Variants in GRID1 observed in about 807,000 individuals in gnomAD.
GRID1 encodes glutamate ionotropic receptor delta type subunit 1.
GRID1 carries 28 observed loss-of-function variants against 98.0 expected under a neutral mutation model. The observed-to-expected ratio is 0.29, with a 90% CI of 0.21 to 0.39. The LOEUF (loss-of-function observed/expected upper bound fraction) is 0.39. Ranked by LOEUF, GRID1 falls within the 10% of genes least tolerant of loss-of-function variation. The pLI, the probability that GRID1 is intolerant of heterozygous loss-of-function variation, is 1.00. For synonymous variants in GRID1, 553 were observed against 538.5 expected (o/e 1.03, Z -0.37); for missense variants, 1,111 against 1,340.5 (o/e 0.83, Z 2.67).
At chr10:85,920,777 C>G (rs1841692232) in intron 4 of GRID1, among the ~76,000 whole-genome samples, 1 of 152,162 alleles carries the variant, frequency 6.6e-6, no homozygotes, top group South Asian at 2.1e-4. Context: ...GGAAGGGGGG[C>G]CGGCCTTCTG....
chr10:85,661,359 A>G (rs575803367), intron 12 of GRID1, among the ~76,000 whole-genome samples: 1 of 152,258 alleles, frequency 6.6e-6, no homozygotes, highest in South Asian at 2.1e-4. Flanking sequence ...GGCTGGAACT[A>G]TAAGACTTAC....
intron 4 of GRID1, among the ~76,000 whole-genome samples, chr10:86,101,547 T>C (rs1167700260): frequency 3.9e-5 from 6 of 152,166 alleles, no homozygotes; most frequent in Admixed American, 2.0e-4. Flanking sequence ...TGAGTGCAGC[T>C]TCTGTCACTC....
At chr10:85,871,611 C>G (rs1455131980) in intron 5 of GRID1, among the ~76,000 whole-genome samples, 1 of 152,144 alleles carries the variant, frequency 6.6e-6, no homozygotes, top group East Asian at 1.9e-4. Context: ...AGCTTTGAGA[C>G]AATATGATGG....
intron 4 of GRID1, among the ~76,000 whole-genome samples, chr10:85,957,221 C>A (rs902613113): frequency 1.3e-4 from 20 of 152,168 alleles, no homozygotes; most frequent in Admixed American, 2.6e-4. Context: ...GGACACAGAG[C>A]CAGACCATAT....
At chr10:86,360,932 A>T (rs1056884837) in intron 2 of GRID1, among the ~76,000 whole-genome samples, 3 of 152,202 alleles carry the variant, frequency 2.0e-5, no homozygotes, top group Non-Finnish European at 2.9e-5. Context: ...CTCCACTGAG[A>T]GGTCACTGTG....
chr10:85,666,640 A>G (rs1006923900), intron 12 of GRID1, among the ~76,000 whole-genome samples: 2 of 152,216 alleles, frequency 1.3e-5, no homozygotes, highest in African/African-American at 4.8e-5. Context: ...ACCAGTTTCA[A>G]GAGCCAACTG....
intron 8 of GRID1, among the ~76,000 whole-genome samples, chr10:85,756,391 G>A (rs918401765): frequency 2.6e-5 from 4 of 152,084 alleles, no homozygotes; most frequent in African/African-American, 9.7e-5. Flanking sequence ...TGGCCTCTCT[G>A]TGGCATATCT....
intron 2 of GRID1, among the ~76,000 whole-genome samples, chr10:86,262,596 G>A (rs931285508): frequency 1.3e-5 from 2 of 152,160 alleles, no homozygotes; most frequent in East Asian, 1.9e-4. Flanking sequence ...CTCTTATTAC[G>A]TGCTCTGGAC....
At chr10:86,027,270 C>T (rs1843128051) in intron 4 of GRID1, among the ~76,000 whole-genome samples, 1 of 152,180 alleles carries the variant, frequency 6.6e-6, no homozygotes, top group Admixed American at 6.5e-5. Flanking sequence ...TTCTCCGCAG[C>T]CCCTGCAACC....
intron 4 of GRID1, among the ~76,000 whole-genome samples, chr10:86,021,354 G>A (rs529344358): frequency 6.6e-6 from 1 of 152,224 alleles, no homozygotes; most frequent in South Asian, 2.1e-4. Flanking sequence ...GATCTGATCT[G>A]ATCAGCAGAC....
chr10:85,638,994 G>A (rs1843082128), intron 13 of GRID1, among the ~76,000 whole-genome samples: 1 of 152,166 alleles, frequency 6.6e-6, no homozygotes. Context: ...TATTACCAGA[G>A]GTGATGCAAA....
intron 4 of GRID1, among the ~76,000 whole-genome samples, chr10:86,090,489 T>A (rs566192944): frequency 2.3e-4 from 35 of 150,402 alleles, no homozygotes; most frequent in Non-Finnish European, 3.0e-4. Flanking sequence ...ACTGAAATTT[T>A]AAAAAAATGA....
chr10:86,113,807 G>A (rs1285085032), intron 4 of GRID1, among the ~76,000 whole-genome samples: 1 of 152,178 alleles, frequency 6.6e-6, no homozygotes, highest in Non-Finnish European at 1.5e-5. Context: ...CCGAGGGGCT[G>A]ACGGGAAAAG....
At chr10:85,754,954 C>T (rs548483894) in intron 8 of GRID1, among the ~76,000 whole-genome samples, 13 of 152,232 alleles carry the variant, frequency 8.5e-5, no homozygotes, top group African/African-American at 2.9e-4. Context: ...ATCATTGTTA[C>T]AATTTTTCTT....
chr10:86,188,838 C>T (rs2132006802), intron 3 of GRID1, among the ~76,000 whole-genome samples: 1 of 152,280 alleles, frequency 6.6e-6, no homozygotes. Context: ...GATGAAGATG[C>T]AAAGAAGGTC....
intron 4 of GRID1, among the ~76,000 whole-genome samples, chr10:86,006,981 A>T (rs1842869233): frequency 2.0e-5 from 3 of 152,018 alleles, no homozygotes; most frequent in African/African-American, 7.2e-5. Flanking sequence ...GCAGCTCTGG[A>T]GCAATCCCCG....
intron 15 of GRID1, among the ~76,000 whole-genome samples, chr10:85,609,541 T>A (rs1227130646): frequency 6.6e-6 from 1 of 152,180 alleles, no homozygotes; most frequent in African/African-American, 2.4e-5. Context: ...GGTGTGGAGT[T>A]GAAGAAGTGA....
intron 2 of GRID1, among the ~76,000 whole-genome samples, chr10:86,277,708 A>G (rs1222299301): frequency 6.6e-6 from 1 of 152,194 alleles, no homozygotes; most frequent in African/African-American, 2.4e-5. Context: ...ACACAAAAGG[A>G]AATTAAAAGG....
chr10:85,723,039 G>A lies in GRID1; in HGVS notation c.1961C>T (p.Ala654Val). ...GTCCATCCTGGACACTGTGAGGAAGGCAGCAAGGTTGGCTGTGTAGGAGGA... is the reference window on the plus strand; with the variant it reads ...GTCCATCCTGGACACTGTGAGGAAGACAGCAAGGTTGGCTGTGTAGGAGGA... ...VCSSYTANLA[A>V]FLTVSRMDNP... Residue 654 changes from alanine (A) to valine (V), a missense_variant, in exon 12 of 16, where the codon GCC (alanine) becomes GTC (valine). Physicochemically the swap from Ala to Val is moderately conservative, Grantham distance 64. Around this residue, in one of 3 missense-constraint regions of GRID1, gnomAD observed 762 missense variants for 869.1 expected, o/e 0.88. Transcript: ENST00000327946. The A allele has an allele frequency of 1.9e-6, 3 of 1,612,500 alleles. No homozygotes were observed. The highest frequency in any genetic ancestry group is 2.5e-6 in the Non-Finnish European group (3 of 1,179,276).
Sources: allele counts gnomAD v4.1 joint callset (sites outside exome capture counted in the v4.1 genomes callset), GRCh38; gene constraint gnomAD v4.1.1; regional missense constraint gnomAD v4.1.1; transcripts MANE v1.5; gene names NCBI Gene and HGNC (gene_info 2026-07-23, HGNC 2026-07-21).